PDE6C: variants seen among roughly 807,000 people sequenced by gnomAD.
The protein encoded by PDE6C is phosphodiesterase 6C.
A neutral mutation model predicts 113.1 loss-of-function variants in PDE6C; 75 were observed. That is an observed-to-expected ratio of 0.66 (90% confidence interval 0.55 to 0.80). The LOEUF (loss-of-function observed/expected upper bound fraction) is 0.80, where lower values mean the gene tolerates loss of function less well. Among genes scored for constraint, PDE6C ranks in the 30% least tolerant of loss-of-function variants. The pLI, the probability that PDE6C is intolerant of heterozygous loss-of-function variation, is 0.00. For missense variants in PDE6C, 912 were observed against 1,038.6 expected (o/e 0.88, Z 1.67); for synonymous variants, 375 against 363.7 (o/e 1.03, Z -0.35).
At chr10:93,636,240 C>G (rs2058528600) in intron 10 of PDE6C, among the ~76,000 whole-genome samples, 1 of 152,208 alleles carries the variant, frequency 6.6e-6, no homozygotes, top group Non-Finnish European at 1.5e-5. Flanking sequence ...AAGAAAGCCA[C>G]ATCACGAAGA....
rs1159064442 is a variant in PDE6C at position 93,655,623 on chromosome 10, A to AC, written c.1936-137_1936-136insC. On this transcript the variant is annotated intron_variant, in intron 15 of 21. Transcript: ENST00000371447. Reference sequence around the variant, plus strand: ...CTAAAAGCAAGCCAAAAAAAAAAAAAAAAAAGGAAGGAAAACAAAAAAAAA... The same window carrying AC: ...CTAAAAGCAAGCCAAAAAAAAAAAAACAAAAAGGAAGGAAAACAAAAAAAAA... 8 of 547,646 alleles carry AC rather than the reference A, an allele frequency of 1.5e-5. No individual in the cohort carries two copies. The African/African-American group carries it at 1.6e-4, about 11-fold the overall frequency. The allele number at this position is 547,646 out of a possible 1,614,324, so 33.9% of individuals were successfully genotyped here.
Position 93,637,201 on chromosome 10 carries a change from A to G in PDE6C, c.1482+138A>G. ...TGATATTTCTCAAGGCTAAAAAGAA[A>G]GAATTCTTCTAAAGATTGATCTTTT... On this transcript the variant is annotated intron_variant, in intron 11 of 21. Transcript: ENST00000371447. 6.1e-6 allele frequency: 4 copies of G among 650,654 alleles called. No homozygotes were observed. The South Asian group carries it at 7.0e-5, about 11-fold the overall frequency. The allele number at this position is 650,654 out of a possible 1,614,324, so 40.3% of individuals were successfully genotyped here. A position where few individuals can be genotyped will look rare whatever the true frequency, so the allele number is the denominator to read the frequency against.
rs1185571678 is a variant in PDE6C at position 93,612,956 on chromosome 10, G to A, written c.231G>A (p.Glu77=). 3.7e-6 allele frequency: 6 copies of A among 1,614,014 alleles called. No homozygotes were observed. The highest frequency in any genetic ancestry group is 5.1e-6 in the Non-Finnish European group (6 of 1,179,994). Residue 77 remains glutamate, a synonymous_variant, in exon 1 of 22, where the codon GAG becomes GAA. Coordinates refer to ENST00000371447, the MANE Select transcript of PDE6C (RefSeq NM_006204.4). ...TGCAGGAGGAGGGGGGCACCCCAGA[G>A]CAGGGGGTTCACAGGGCCCTGCAGA... The part of the protein sequence containing the change: ...WTVQEEGGTP[E]QGVHRALQRL...
chr10:93,629,171 C>A, intron 7 of PDE6C, 87 bp from the exon 8 acceptor site: 1 of 1,089,890 alleles, frequency 9.2e-7, no homozygotes, highest in Non-Finnish European at 1.4e-6. Flanking sequence ...TCCTCACTCC[C>A]AATGCGTTCT....
rs111637945 is a variant in PDE6C, at chr10:93,630,623, G to C, written c.1119+1318G>C. 6.1e-3 allele frequency among the ~76,000 whole-genome samples: 927 copies of C among 152,134 alleles called. 5 individuals are homozygous for C. The highest frequency in any genetic ancestry group is 0.021 in the Middle Eastern group (6 of 292). On this transcript the variant is annotated intron_variant, in intron 8 of 21. Coordinates refer to ENST00000371447, the MANE Select transcript of PDE6C (RefSeq NM_006204.4). ...AGAGCCCTGATCTCAGTCACAAATA[G>C]AGACTGCCCTCCCCGGTGGGTACCG...
chr10:93,640,144 C>T lies in PDE6C; in HGVS notation c.1557C>T (p.His519=), dbSNP rs762809900. 64 of 1,613,242 alleles carry T rather than the reference C, an allele frequency of 4.0e-5. No individual in the cohort carries two copies. Among genetic ancestry groups the T allele is most frequent in the East Asian group, 3.8e-4 (17 of 44,892 alleles). ...FRFSDFPLTE[H]GLIKCGIRLF... is the part of the protein sequence containing the mutation. ...TCAGTGACTTCCCCCTTACAGAGCA[C>T]GGATTGATTAAATGTGGAATACGAC... Residue 519 remains histidine (H), a synonymous_variant, in exon 12 of 22, where the codon CAC becomes CAT. Transcript: ENST00000371447.
At chr10:93,633,249 T>G (rs1364956901) in intron 8 of PDE6C, among the ~76,000 whole-genome samples, 1 of 152,012 alleles carries the variant, frequency 6.6e-6, no homozygotes, top group African/African-American at 2.4e-5. Flanking sequence ...GCGGATCACT[T>G]GAGGTCAGGA....
chr10:93,652,215 A>G (rs979745651), intron 15 of PDE6C, among the ~76,000 whole-genome samples: 3 of 152,212 alleles, frequency 2.0e-5, no homozygotes, highest in African/African-American at 7.2e-5. Context: ...AAATTTGGCC[A>G]AAACGTTTAT....
At chr10:93,619,302 A>G (rs889574308) in intron 1 of PDE6C, among the ~76,000 whole-genome samples, 4 of 152,240 alleles carry the variant, frequency 2.6e-5, no homozygotes, top group African/African-American at 9.6e-5. Context: ...AGAAAAAAAA[A>G]TAGGAATGGA....
chr10:93,618,606 G>A (rs1189961365), intron 1 of PDE6C, among the ~76,000 whole-genome samples: 1 of 152,210 alleles, frequency 6.6e-6, no homozygotes, highest in East Asian at 1.9e-4. Flanking sequence ...TTTCCTCTGA[G>A]AGCGGTACCA....
At chr10:93,629,040 G>A (rs530349340) in intron 7 of PDE6C, among the ~76,000 whole-genome samples, 18 of 152,244 alleles carry the variant, frequency 1.2e-4, no homozygotes, top group African/African-American at 3.9e-4. Flanking sequence ...GGGCAGAGAC[G>A]GTACCACATA....
intron 14 of PDE6C, among the ~76,000 whole-genome samples, chr10:93,644,914 A>C (rs915844454): frequency 3.5e-5 from 5 of 143,842 alleles, no homozygotes; most frequent in African/African-American, 1.3e-4. Flanking sequence ...TATATACACT[A>C]TATCGATATA....
intron 15 of PDE6C, 45 bp from the exon 16 acceptor site, chr10:93,655,715 A>G (rs756710741): frequency 4.3e-6 from 4 of 930,102 alleles, no homozygotes; most frequent in South Asian, 2.6e-5. Flanking sequence ...ATTTGTTCAG[A>G]GGCAAATTAT....
chr10:93,620,581 CCACT>C, intron 1 of PDE6C, 47 bp from the exon 2 acceptor site: 1 of 1,577,992 alleles, frequency 6.3e-7, no homozygotes, highest in Non-Finnish European at 8.7e-7. Flanking sequence ...CCTAGATCTA[CCACT>C]CTATGATTTT....
chr10:93,647,701 C>T (rs572974789), intron 15 of PDE6C, among the ~76,000 whole-genome samples: 83 of 152,284 alleles, frequency 5.5e-4, no homozygotes, highest in African/African-American at 1.9e-3. Context: ...TCCTGGGCCC[C>T]ATTCTCCACT....
intron 1 of PDE6C, among the ~76,000 whole-genome samples, chr10:93,619,332 C>T (rs2058434468): frequency 1.3e-5 from 2 of 152,170 alleles, no homozygotes; most frequent in Non-Finnish European, 2.9e-5. Flanking sequence ...CCTGGTAGAA[C>T]ATTAAAAACC....
chr10:93,656,673 G>A (rs916440594), intron 16 of PDE6C, among the ~76,000 whole-genome samples: 1 of 151,946 alleles, frequency 6.6e-6, no homozygotes, highest in African/African-American at 2.4e-5. Flanking sequence ...AGGTTCAAGC[G>A]ATTCTCCTGC....
chr10:93,627,803 C>T (rs1365342561), intron 7 of PDE6C, among the ~76,000 whole-genome samples: 1 of 152,150 alleles, frequency 6.6e-6, no homozygotes, highest in Non-Finnish European at 1.5e-5. Flanking sequence ...TAATGCATGG[C>T]ATGAAAGATT....
At chr10:93,634,516 G>A (rs779155401) in intron 8 of PDE6C, among the ~76,000 whole-genome samples, 1 of 152,088 alleles carries the variant, frequency 6.6e-6, no homozygotes, top group Non-Finnish European at 1.5e-5. Flanking sequence ...TACAAATCTT[G>A]GTAAAATCCA....
Sources: gnomAD v4.1 joint callset for allele counts (sites outside exome capture counted in the v4.1 genomes callset) on GRCh38, gnomAD v4.1.1 for gene constraint, MANE v1.5 for transcripts, NCBI Gene and HGNC (gene_info 2026-07-23, HGNC 2026-07-21) for gene names.